Variants in DNAH14 observed in about 807,000 individuals in gnomAD.
DNAH14 encodes the protein axonemal beta dynein heavy chain 14.
DNAH14 carries 478 observed loss-of-function variants against 520.9 expected under a neutral mutation model. That is an observed-to-expected ratio of 0.92 (90% CI 0.85 to 0.99). The LOEUF (loss-of-function observed/expected upper bound fraction) is 0.99. DNAH14 is among the 50% of genes least tolerant of loss of function. The probability of loss-of-function intolerance (pLI) is 0.00; values close to 1 mark genes in which losing one functional copy is unlikely to be tolerated. For synonymous variants in DNAH14, 1,581 were observed against 1,757.2 expected (o/e 0.90, Z 2.51); for missense variants, 4,831 against 5,234.5 (o/e 0.92, Z 2.38).
At chr1:225,319,850 G>C (rs1024887663) in intron 61 of DNAH14, among the ~76,000 whole-genome samples, 10 of 152,102 alleles carry the variant, frequency 6.6e-5, no homozygotes, top group African/African-American at 2.4e-4. Context: ...AGTGTTCCAA[G>C]CAGAGGAAAT....
intron 1 of DNAH14, among the ~76,000 whole-genome samples, chr1:224,945,321 C>A (rs1461881407): frequency 6.6e-6 from 1 of 152,250 alleles, no homozygotes; most frequent in East Asian, 1.9e-4. Flanking sequence ...ACGTAGTTAT[C>A]GTGCCTTGGT....
At chr1:225,153,074 AC>A (rs1253474185) in intron 33 of DNAH14, among the ~76,000 whole-genome samples, 191 bp downstream of exon 33, 1 of 152,182 alleles carries the variant, frequency 6.6e-6, no homozygotes, top group East Asian at 1.9e-4. Context: ...TATAAGGCAA[AC>A]TGTAAAATCA....
intron 72 of DNAH14, 105 bp from the exon 73 acceptor site, chr1:225,353,698 A>G: frequency 1.4e-6 from 1 of 697,592 alleles, no homozygotes; most frequent in East Asian, 2.8e-5. Flanking sequence ...GTTTAGAAAA[A>G]AAAAAAAGTC....
At chr1:225,120,336 T>A (rs555896688) in intron 26 of DNAH14, among the ~76,000 whole-genome samples, 1 of 152,196 alleles carries the variant, frequency 6.6e-6, no homozygotes, top group Non-Finnish European at 1.5e-5. Context: ...CAGCAAAATA[T>A]CTCAAGCACT....
At chr1:225,335,387 A>G (rs1237166773) in intron 66 of DNAH14, among the ~76,000 whole-genome samples, 2 of 105,152 alleles carry the variant, frequency 1.9e-5, no homozygotes, top group Non-Finnish European at 4.0e-5. Context: ...GTATATGCAC[A>G]TATACACATG....
intron 1 of DNAH14, among the ~76,000 whole-genome samples, chr1:224,952,376 C>T (rs1343970733): frequency 1.3e-5 from 2 of 152,106 alleles, no homozygotes; most frequent in Non-Finnish European, 2.9e-5. Flanking sequence ...TTATCATTAT[C>T]TTTAGCATGC....
At chr1:225,035,119 T>C (rs1458921365) in intron 11 of DNAH14, among the ~76,000 whole-genome samples, 1 of 152,074 alleles carries the variant, frequency 6.6e-6, no homozygotes, top group Non-Finnish European at 1.5e-5. Flanking sequence ...TTATTTCTTG[T>C]CTTCTGCTAG....
intron 84 of DNAH14, 133 bp downstream of exon 84, chr1:225,392,584 G>T: frequency 9.1e-7 from 1 of 1,103,826 alleles, no homozygotes. Flanking sequence ...AGATCAACAA[G>T]CCCTGCTTCA....
chr1:225,038,997 C>A (rs1047379619), intron 12 of DNAH14, among the ~76,000 whole-genome samples, 174 bp downstream of exon 12: 1 of 152,146 alleles, frequency 6.6e-6, no homozygotes, highest in Non-Finnish European at 1.5e-5. Context: ...TGACACTTAT[C>A]TCATTTAGTT....
At chr1:224,997,192 T>C (rs1275588640) in intron 8 of DNAH14, among the ~76,000 whole-genome samples, 1 of 152,094 alleles carries the variant, frequency 6.6e-6, no homozygotes. Flanking sequence ...TACCTGACCC[T>C]AGGTGGTCTA....
chr1:224,929,957 C>A, intron 1 of DNAH14, 122 bp downstream of exon 1: 1 of 525,842 alleles, frequency 1.9e-6, no homozygotes, highest in Non-Finnish European at 3.3e-6. Context: ...GCGCTCCCCA[C>A]CCAGCTGCTG....
intron 27 of DNAH14, among the ~76,000 whole-genome samples, chr1:225,127,174 T>G (rs2148919719): frequency 6.6e-6 from 1 of 152,358 alleles, no homozygotes; most frequent in African/African-American, 2.4e-5. Context: ...CTGAGAAGAA[T>G]GTATATTCTG....
chr1:225,015,268 T>G (rs2065119435), intron 10 of DNAH14, among the ~76,000 whole-genome samples: 1 of 152,212 alleles, frequency 6.6e-6, no homozygotes, highest in African/African-American at 2.4e-5. Flanking sequence ...GTCTTTTAAA[T>G]GAGAAATGTA....
At chr1:225,105,355 A>G (rs2075943142) in intron 23 of DNAH14, among the ~76,000 whole-genome samples, 1 of 152,140 alleles carries the variant, frequency 6.6e-6, no homozygotes, top group African/African-American at 2.4e-5. Flanking sequence ...AGAAGAATGT[A>G]TATTCTGTTG....
At chr1:225,288,625 A>C (rs2093799429) in intron 54 of DNAH14, among the ~76,000 whole-genome samples, 1 of 152,170 alleles carries the variant, frequency 6.6e-6, no homozygotes, top group Non-Finnish European at 1.5e-5. Flanking sequence ...AAACTCTTCT[A>C]AAATAAGTTT....
intron 17 of DNAH14, among the ~76,000 whole-genome samples, chr1:225,065,209 G>C (rs2070715960): frequency 6.6e-6 from 1 of 151,794 alleles, no homozygotes; most frequent in Non-Finnish European, 1.5e-5. Context: ...GGTTTTTATA[G>C]TTTGGGGTTT....
intron 41 of DNAH14, 51 bp downstream of exon 41, chr1:225,207,271 G>T: frequency 1.4e-6 from 2 of 1,408,150 alleles, no homozygotes; most frequent in Non-Finnish European, 1.9e-6. Flanking sequence ...GCTAGTCAAT[G>T]CTAATTCATC....
chr1:225,273,230 A>G, intron 52 of DNAH14, 105 bp downstream of exon 52: 1 of 1,236,840 alleles, frequency 8.1e-7, no homozygotes, highest in Admixed American at 3.0e-5. Context: ...CAGGAGATTG[A>G]GACCATCCTG....
At chr1:225,156,450 C>T (rs1055645775) in intron 34 of DNAH14, among the ~76,000 whole-genome samples, 1 of 152,108 alleles carries the variant, frequency 6.6e-6, no homozygotes, top group African/African-American at 2.4e-5. Flanking sequence ...CATTTCCTGG[C>T]TTACGACCAC....
Sources: gnomAD v4.1 joint callset for allele counts (sites outside exome capture counted in the v4.1 genomes callset) on GRCh38, gnomAD v4.1.1 for gene constraint, MANE v1.5 for transcripts, NCBI Gene and HGNC (gene_info 2026-07-23, HGNC 2026-07-21) for gene names.